Variants in GTF2F2 observed in about 807,000 individuals in gnomAD.
The protein encoded by GTF2F2 is general transcription factor IIF subunit 2.
In GTF2F2, 23 loss-of-function variants were observed where a neutral mutation model predicts 42.2. That is an observed-to-expected ratio of 0.55 (90% CI 0.39 to 0.77). The LOEUF is 0.77. GTF2F2 is among the 30% of genes least tolerant of loss of function. The pLI, the probability that GTF2F2 is intolerant of heterozygous loss-of-function variation, is 0.00. For missense variants in GTF2F2, 261 were observed against 287.2 expected, an observed-to-expected ratio of 0.91 and a Z score of 0.66; for synonymous variants, 105 against 100.8, an observed-to-expected ratio of 1.04 and a Z score of -0.25.
chr13:45,138,124 C>T (rs1481651884), intron 2 of GTF2F2, among the ~76,000 whole-genome samples: 5 of 152,108 alleles, frequency 3.3e-5, no homozygotes, highest in African/African-American at 9.7e-5. Context: ...CTTCTCCTCT[C>T]GCCTCATTGG....
At chr13:45,200,435 T>C (rs1461789079) in intron 4 of GTF2F2, among the ~76,000 whole-genome samples, 1 of 152,168 alleles carries the variant, frequency 6.6e-6, no homozygotes, top group Non-Finnish European at 1.5e-5. Context: ...AACTCCCGTA[T>C]AGTTGGGGCC....
intron 4 of GTF2F2, among the ~76,000 whole-genome samples, chr13:45,181,189 C>CAA (rs1237337924): frequency 3.4e-5 from 4 of 116,460 alleles, no homozygotes; most frequent in African/African-American, 3.5e-5. Flanking sequence ...AACAAACAAA[C>CAA]AAAAAAAAAA....
chr13:45,227,974 T>C (rs987775484), intron 5 of GTF2F2, among the ~76,000 whole-genome samples: 9 of 152,200 alleles, frequency 5.9e-5, no homozygotes, highest in Admixed American at 2.0e-4. Context: ...GAATTACCAG[T>C]GAAGAATCCT....
intron 2 of GTF2F2, among the ~76,000 whole-genome samples, chr13:45,147,856 C>G (rs1305954639): frequency 1.3e-5 from 2 of 152,188 alleles, no homozygotes; most frequent in East Asian, 3.8e-4. Flanking sequence ...ATGTTTTCGA[C>G]TTCATCCCTC....
At chr13:45,250,021 T>A (rs1237473562) in intron 5 of GTF2F2, among the ~76,000 whole-genome samples, 1 of 151,244 alleles carries the variant, frequency 6.6e-6, no homozygotes, top group Non-Finnish European at 1.5e-5. Flanking sequence ...CTTGGAGGAA[T>A]CATTTCCACC....
intron 4 of GTF2F2, among the ~76,000 whole-genome samples, chr13:45,156,754 T>G (rs1375298922): frequency 6.6e-6 from 1 of 152,196 alleles, no homozygotes; most frequent in Non-Finnish European, 1.5e-5. Flanking sequence ...GTGAAACCAT[T>G]ACTGAATTAG....
chr13:45,172,971 G>T (rs1298366895), intron 4 of GTF2F2, among the ~76,000 whole-genome samples: 1 of 151,982 alleles, frequency 6.6e-6, no homozygotes, highest in East Asian at 1.9e-4. Context: ...TTTAAGATCA[G>T]TTCCTTAATT....
At chr13:45,208,983 C>T (rs1386430502) in intron 5 of GTF2F2, among the ~76,000 whole-genome samples, 3 of 152,088 alleles carry the variant, frequency 2.0e-5, no homozygotes, top group African/African-American at 7.2e-5. Flanking sequence ...AATGCAAAAT[C>T]TGGTTACCAA....
chr13:45,217,097 A>G (rs1337319926), intron 5 of GTF2F2, among the ~76,000 whole-genome samples: 1 of 151,806 alleles, frequency 6.6e-6, no homozygotes, highest in Non-Finnish European at 1.5e-5. Context: ...TCAGGAGTTC[A>G]AGACCAGCCT....
intron 7 of GTF2F2, among the ~76,000 whole-genome samples, chr13:45,272,447 A>AC (rs1379120541): frequency 7.1e-6 from 1 of 140,188 alleles, no homozygotes; most frequent in African/African-American, 2.9e-5. Flanking sequence ...AAAACAAAAA[A>AC]AAAAAACAGG....
At chr13:45,275,982 C>T (rs1009248408) in intron 7 of GTF2F2, among the ~76,000 whole-genome samples, 7 of 152,162 alleles carry the variant, frequency 4.6e-5, no homozygotes, top group Admixed American at 4.6e-4. Flanking sequence ...ACATAACCTA[C>T]ATGCATCCTC....
chr13:45,194,549 T>A (rs1458541905), intron 4 of GTF2F2: 1 of 1,611,136 alleles, frequency 6.2e-7, no homozygotes, highest in Admixed American at 1.7e-5. Flanking sequence ...TTTTCTCTTC[T>A]GTTTATTTTA....
chr13:45,150,810 C>T (rs1330769323), intron 3 of GTF2F2, among the ~76,000 whole-genome samples: 2 of 151,954 alleles, frequency 1.3e-5, no homozygotes, highest in Admixed American at 6.6e-5. Context: ...TCTCAAGGTG[C>T]TGGGATTACA....
At position 45,207,414 on chromosome 13, in the gene GTF2F2, TC is replaced by T. The variant is rs778252977; in HGVS notation, c.305-8del. The T allele has an allele frequency of 4.5e-6, 7 of 1,561,918 alleles. No homozygotes were observed. The East Asian group carries it at 1.1e-4, about 25-fold the overall frequency. On this transcript the variant is annotated splice_polypyrimidine_tract_variant and intron_variant, in intron 4 of 7. Transcript: ENST00000340473. ...TATTATCTCTGAATCCTTTTTTTTTTCCATTCAAGATAAGCTGTCATTGGAA... is the reference window on the plus strand; with the variant it reads ...TATTATCTCTGAATCCTTTTTTTTTTCATTCAAGATAAGCTGTCATTGGAA...
chr13:45,170,745 CCA>C (rs1236730082), intron 4 of GTF2F2, among the ~76,000 whole-genome samples: 2 of 152,106 alleles, frequency 1.3e-5, no homozygotes, highest in Admixed American at 1.3e-4. Flanking sequence ...TCTGAGAGAA[CCA>C]TCATGAGATC....
chr13:45,136,620 G>C, intron 1 of GTF2F2, 113 bp from the exon 2 acceptor site: 1 of 622,040 alleles, frequency 1.6e-6, no homozygotes, highest in Non-Finnish European at 2.9e-6. Context: ...GTAGTAACTT[G>C]ATAATGATCC....
intron 4 of GTF2F2, among the ~76,000 whole-genome samples, chr13:45,154,633 T>G (rs1870662867): frequency 6.6e-6 from 1 of 152,264 alleles, no homozygotes; most frequent in Non-Finnish European, 1.5e-5. Flanking sequence ...TTTGCACCAT[T>G]CTGTGCCTTA....
At position 45,283,058 on chromosome 13, in the gene GTF2F2, A is replaced by G. The variant is rs566886169; in HGVS notation, c.631-384A>G. ...CTGAAACTACTGGTTTCAATCTGTG[A>G]ACTGAGTCCCATGAGGCCACTGAAC... On this transcript the variant is annotated intron_variant, in intron 7 of 7. Transcript: ENST00000340473. Among the ~76,000 whole-genome samples the G allele has an allele frequency of 4.0e-4, 61 of 152,220 alleles. No homozygotes were observed. The Middle Eastern group carries it at 0.01, about 25-fold the overall frequency.
At chr13:45,234,811 C>G (rs1248539161) in intron 5 of GTF2F2, among the ~76,000 whole-genome samples, 1 of 151,908 alleles carries the variant, frequency 6.6e-6, no homozygotes, top group African/African-American at 2.4e-5. Flanking sequence ...TTTGGGAGGC[C>G]AAGGCAGGCG....
Sources: gnomAD v4.1 joint callset for allele counts (sites outside exome capture counted in the v4.1 genomes callset) on GRCh38, gnomAD v4.1.1 for gene constraint, MANE v1.5 for transcripts, NCBI Gene and HGNC (gene_info 2026-07-23, HGNC 2026-07-21) for gene names.